SEMA5A: variants seen among roughly 807,000 people sequenced by gnomAD.
SEMA5A encodes the protein semaphorin-5A.
SEMA5A carries 55 observed loss-of-function variants against 135.5 expected under a neutral mutation model. That is an observed-to-expected ratio of 0.41 (90% CI 0.33 to 0.51). The LOEUF (loss-of-function observed/expected upper bound fraction) is 0.51, where lower values mean the gene tolerates loss of function less well. Ranked by LOEUF, SEMA5A falls within the 20% of genes least tolerant of loss-of-function variation. SEMA5A has a pLI of 0.37. For missense variants in SEMA5A, 1,290 were observed against 1,419.9 expected (o/e 0.91, Z 1.47); for synonymous variants, 580 against 546.5 (o/e 1.06, Z -0.85).
At chr5:9,093,112 T>G (rs1470396670) in intron 16 of SEMA5A, among the ~76,000 whole-genome samples, 1 of 152,098 alleles carries the variant, frequency 6.6e-6, no homozygotes, top group Non-Finnish European at 1.5e-5. Context: ...AGATTAGGAG[T>G]ACTTACTAAG....
At chr5:9,107,293 A>G (rs1739972209) in intron 16 of SEMA5A, among the ~76,000 whole-genome samples, 1 of 152,198 alleles carries the variant, frequency 6.6e-6, no homozygotes, top group East Asian at 1.9e-4. Context: ...AGTCTTTTGA[A>G]AAGAGCTTGT....
intron 11 of SEMA5A, among the ~76,000 whole-genome samples, chr5:9,166,947 A>T (rs891283455): frequency 1.3e-5 from 2 of 152,224 alleles, no homozygotes; most frequent in African/African-American, 2.4e-5. Flanking sequence ...CTTCTCTGAC[A>T]GTCACCAGGC....
Position 9,353,319 on chromosome 5 carries a change from G to GAAATGA in SEMA5A, c.125-15508_125-15507insTCATTT, listed in dbSNP as rs1561177769. ...GAAGGGAAGGGAAGGGAAGGGAAAG[G>GAAATGA]AAGGAAAGGAAAGGAAATGAAAGGA... On this transcript the variant is annotated intron_variant, in intron 3 of 22. Transcript: ENST00000382496. Among the ~76,000 whole-genome samples, 40 of 40,972 alleles carry GAAATGA rather than the reference G, an allele frequency of 9.8e-4. 1 individual carries two copies. Among genetic ancestry groups the GAAATGA allele is most frequent in the Middle Eastern group, 0.012 (1 of 84 alleles). The allele number at this position is 40,972 out of a possible 152,430, so 26.9% of individuals were successfully genotyped here. A position where few individuals can be genotyped will look rare whatever the true frequency, so the allele number is the denominator to read the frequency against.
At chr5:9,521,449 A>C (rs1051131587) in intron 1 of SEMA5A, among the ~76,000 whole-genome samples, 3 of 152,060 alleles carry the variant, frequency 2.0e-5, no homozygotes, top group Non-Finnish European at 2.9e-5. Context: ...AAATGTCTTT[A>C]AAAGTTTATC....
At chr5:9,293,252 G>A (rs1387094192) in intron 5 of SEMA5A, among the ~76,000 whole-genome samples, 1 of 152,046 alleles carries the variant, frequency 6.6e-6, no homozygotes, top group African/African-American at 2.4e-5. Context: ...ATATCTTTTT[G>A]TCAACACGGT....
intron 5 of SEMA5A, among the ~76,000 whole-genome samples, chr5:9,256,292 C>T (rs1579723676): frequency 6.6e-6 from 1 of 152,252 alleles, no homozygotes; most frequent in East Asian, 1.9e-4. Flanking sequence ...GTGTTTCTGC[C>T]TCCAATTCTC....
chr5:9,069,054 C>T (rs932017647), intron 16 of SEMA5A, among the ~76,000 whole-genome samples: 1 of 152,304 alleles, frequency 6.6e-6, no homozygotes, highest in African/African-American at 2.4e-5. Context: ...TCACTGGAGA[C>T]TTGGTGCTCA....
chr5:9,035,929 A>G lies in SEMA5A; in HGVS notation c.*6968T>C, dbSNP rs1579275952. 7.4e-6 allele frequency: 1 copy of G among 134,362 alleles called. No individual in the cohort carries two copies. Among genetic ancestry groups the G allele is most frequent in the South Asian group, 2.4e-4 (1 of 4,150 alleles). The allele number at this position is 134,362 out of a possible 1,614,324, so 8.3% of individuals were successfully genotyped here. A position where few individuals can be genotyped will look rare whatever the true frequency, so the allele number is the denominator to read the frequency against. On this transcript the variant is annotated 3_prime_UTR_variant, in exon 23 of 23. Transcript: ENST00000382496. The stretch of plus-strand genomic sequence containing the variant: ...TCAGTAACTGTCTGCAAGCTTACCA[A>G]GGGCTGAAATTGGCTTTGGAGGAGT...
intron 12 of SEMA5A, among the ~76,000 whole-genome samples, chr5:9,137,643 T>C (rs568752651): frequency 2.0e-4 from 30 of 152,120 alleles, no homozygotes; most frequent in Non-Finnish European, 3.5e-4. Flanking sequence ...TGACCCCTCT[T>C]AGAGGCAGGA....
intron 5 of SEMA5A, among the ~76,000 whole-genome samples, chr5:9,312,050 T>C (rs1752162014): frequency 6.6e-6 from 1 of 152,156 alleles, no homozygotes; most frequent in South Asian, 2.1e-4. Flanking sequence ...CCAGCCCCTT[T>C]GTGTTTTTTG....
rs540244678 is a variant in SEMA5A at position 9,041,176 on chromosome 5, A to G, written c.*1721T>C. ...AATCTGGGTATATGAGAATATTTTG[A>G]ACTCAACAATATTCATTATTAAACA... On this transcript the variant is annotated 3_prime_UTR_variant, in exon 23 of 23. Transcript: ENST00000382496. 2.6e-5 allele frequency: 4 copies of G among 152,372 alleles called. No homozygotes were observed. The highest frequency in any genetic ancestry group is 2.6e-4 in the Admixed American group (4 of 15,306). 9.4% of individuals were successfully genotyped at this position (152,372 alleles called of 1,614,324 possible).
intron 12 of SEMA5A, among the ~76,000 whole-genome samples, chr5:9,140,118 T>G (rs911063204): frequency 6.6e-6 from 1 of 152,156 alleles, no homozygotes; most frequent in African/African-American, 2.4e-5. Flanking sequence ...TTACTACAAG[T>G]TTATAACAGA....
At chr5:9,202,624 A>C (rs990983403) in intron 8 of SEMA5A, among the ~76,000 whole-genome samples, 3 of 152,262 alleles carry the variant, frequency 2.0e-5, no homozygotes, top group Non-Finnish European at 2.9e-5. Flanking sequence ...ATGATTAAAA[A>C]GATGAAATGT....
At chr5:9,156,111 C>T (rs374875583) in intron 11 of SEMA5A, among the ~76,000 whole-genome samples, 6 of 151,948 alleles carry the variant, frequency 3.9e-5, no homozygotes, top group South Asian at 4.2e-4. Flanking sequence ...AAAGAGAGAA[C>T]GAGAGAGGGA....
rs760786552 is a variant in SEMA5A at position 9,388,312 on chromosome 5, C to T, written c.-77-8289G>A. On this transcript the variant is annotated intron_variant, in intron 2 of 22. Transcript: ENST00000382496. ...TTCTTCCCCTTGTTTAGCTCCAGAT[C>T]GCCTGGAGGAACGATAAAAATAAAT... Among the ~76,000 whole-genome samples, 12 of 152,016 alleles carry T rather than the reference C, an allele frequency of 7.9e-5. No homozygotes were observed. In the East Asian group the frequency reaches 2.1e-3, roughly 27 times the overall value.
At chr5:9,209,414 A>T (rs1805965) in intron 8 of SEMA5A, among the ~76,000 whole-genome samples, 13,867 of 152,286 alleles carry the variant, frequency 0.091, 897 homozygotes, top group African/African-American at 0.18. Flanking sequence ...TTTTAAATTT[A>T]CAGGTTCACT....
At chr5:9,241,904 A>G (rs1000515085) in intron 5 of SEMA5A, among the ~76,000 whole-genome samples, 1 of 152,254 alleles carries the variant, frequency 6.6e-6, no homozygotes, top group African/African-American at 2.4e-5. Flanking sequence ...AAAAATGAAG[A>G]GAACAACATT....
intron 1 of SEMA5A, among the ~76,000 whole-genome samples, chr5:9,521,659 CTGAA>C (rs1229516391): frequency 6.6e-6 from 1 of 152,176 alleles, no homozygotes; most frequent in Admixed American, 6.5e-5. Flanking sequence ...ATTTGAAACT[CTGAA>C]TGATTATGTT....
chr5:9,158,875 A>C (rs1200118491), intron 11 of SEMA5A, among the ~76,000 whole-genome samples: 1 of 152,180 alleles, frequency 6.6e-6, no homozygotes, highest in Non-Finnish European at 1.5e-5. Flanking sequence ...ACTTCACTAC[A>C]TATTTGTCTC....
Sources: gnomAD v4.1 joint callset for allele counts (sites outside exome capture counted in the v4.1 genomes callset) on GRCh38, gnomAD v4.1.1 for gene constraint, MANE v1.5 for transcripts, NCBI Gene and HGNC (gene_info 2026-07-23, HGNC 2026-07-21) for gene names.